MAP2: variants seen among roughly 807,000 people sequenced by gnomAD.
MAP2 encodes the protein microtubule associated protein 2, also known as microtubule-associated protein 2.
A neutral mutation model predicts 137.6 loss-of-function variants in MAP2; 14 were observed. The observed-to-expected ratio is 0.10, with a 90% CI of 0.07 to 0.16. The LOEUF is 0.16. MAP2 is among the 10% of genes least tolerant of loss of function. The probability of loss-of-function intolerance (pLI) is 1.00; values close to 1 mark genes in which losing one functional copy is unlikely to be tolerated. For missense variants in MAP2, 2,088 were observed against 2,191.5 expected (o/e 0.95, Z 0.94); for synonymous variants, 786 against 782.3 (o/e 1.00, Z -0.08).
chr2:209,638,515 G>T (rs985023883), intron 4 of MAP2, among the ~76,000 whole-genome samples: 3 of 152,098 alleles, frequency 2.0e-5, no homozygotes, highest in Non-Finnish European at 4.4e-5. Flanking sequence ...TGCTTTATAT[G>T]ACTCATACGT....
At chr2:209,724,904 C>A (rs59335890) in intron 13 of MAP2, among the ~76,000 whole-genome samples, 2,565 of 152,306 alleles carry the variant, frequency 0.017, 81 homozygotes, top group African/African-American at 0.059. Context: ...CTGGACAAAA[C>A]ACCTAAGTGG....
intron 2 of MAP2, among the ~76,000 whole-genome samples, chr2:209,519,228 G>A (rs1210104194): frequency 1.3e-5 from 2 of 152,020 alleles, no homozygotes; most frequent in Admixed American, 1.3e-4. Context: ...TTTCTATATT[G>A]CCAAGTAGAT....
chr2:209,713,814 A>G (rs928534000), intron 13 of MAP2, among the ~76,000 whole-genome samples: 5 of 152,194 alleles, frequency 3.3e-5, no homozygotes, highest in Admixed American at 6.5e-5. Context: ...TAAAATAGTT[A>G]CTTGGATTTA....
At chr2:209,597,806 A>T in intron 3 of MAP2, among the ~76,000 whole-genome samples, 1 of 148,554 alleles carries the variant, frequency 6.7e-6, no homozygotes, top group African/African-American at 2.5e-5. Context: ...CCCCACTCCC[A>T]CCCTCCTCCC....
intron 5 of MAP2, among the ~76,000 whole-genome samples, chr2:209,673,768 G>A (rs1460564043): frequency 6.6e-6 from 1 of 151,780 alleles, no homozygotes; most frequent in Non-Finnish European, 1.5e-5. Context: ...AGTCCTGGTT[G>A]TTATAACTTT....
At chr2:209,568,638 A>G (rs1294327275) in intron 2 of MAP2, among the ~76,000 whole-genome samples, 1 of 151,934 alleles carries the variant, frequency 6.6e-6, no homozygotes, top group African/African-American at 2.4e-5. Flanking sequence ...AGTAGTTTTC[A>G]AAAACAAATC....
intron 1 of MAP2, among the ~76,000 whole-genome samples, chr2:209,487,306 G>A (rs1173305876): frequency 6.6e-6 from 1 of 152,164 alleles, no homozygotes; most frequent in Non-Finnish European, 1.5e-5. Flanking sequence ...AAAGCTTTCA[G>A]GAAATTAGAG....
At chr2:209,491,977 G>A (rs1217338605) in intron 1 of MAP2, among the ~76,000 whole-genome samples, 1 of 152,120 alleles carries the variant, frequency 6.6e-6, no homozygotes, top group Non-Finnish European at 1.5e-5. Context: ...ACAAAACCTG[G>A]CAGAGACACA....
chr2:209,700,594 A>G (rs2061506473), intron 11 of MAP2, among the ~76,000 whole-genome samples: 1 of 152,172 alleles, frequency 6.6e-6, no homozygotes, highest in African/African-American at 2.4e-5. Context: ...AAAGCAGCAC[A>G]ATGATATGGC....
At chr2:209,489,437 T>G (rs906198488) in intron 1 of MAP2, among the ~76,000 whole-genome samples, 5 of 152,084 alleles carry the variant, frequency 3.3e-5, no homozygotes, top group Admixed American at 2.6e-4. Context: ...GGACGGAGAA[T>G]GAGTTTGATG....
At chr2:209,462,554 AAAAG>A (rs1182150161) in intron 1 of MAP2, among the ~76,000 whole-genome samples, 1 of 152,196 alleles carries the variant, frequency 6.6e-6, no homozygotes, top group Non-Finnish European at 1.5e-5. Context: ...CCAAGAGACA[AAAAG>A]AAAGTCAGTC....
At chr2:209,680,968 CAA>C (rs1374227837) in intron 7 of MAP2, 141 bp downstream of exon 7, 9 of 520,112 alleles carry the variant, frequency 1.7e-5, no homozygotes, top group Non-Finnish European at 3.0e-5. Flanking sequence ...GAAGAAGAAA[CAA>C]AGACTTTAAA....
intron 1 of MAP2, among the ~76,000 whole-genome samples, chr2:209,455,521 T>C (rs568494907): frequency 6.6e-6 from 1 of 152,316 alleles, no homozygotes; most frequent in African/African-American, 2.4e-5. Flanking sequence ...TTATCATCCC[T>C]TGTAATGATC....
At chr2:209,597,263 T>C (rs2081528229) in intron 3 of MAP2, among the ~76,000 whole-genome samples, 2 of 152,230 alleles carry the variant, frequency 1.3e-5, no homozygotes, top group Non-Finnish European at 2.9e-5. Flanking sequence ...CTTAATCATC[T>C]GTTTGACAAT....
rs747954303 is a variant in MAP2, at chr2:209,678,539, C to T, written c.263-33C>T. ...CTCTTTGCTTTCTCAGACTTCTCAT[C>T]GTTATATTTTATTTTGTTACTGTTT... On this transcript the variant is annotated intron_variant, in intron 5 of 15. Coordinates refer to ENST00000682079, the MANE Select transcript of MAP2 (RefSeq NM_001375505.1). The T allele has an allele frequency of 7.1e-6, 8 of 1,119,350 alleles. No individual in the cohort carries two copies. The Admixed American group carries it at 1.4e-4, about 20-fold the overall frequency. 69.3% of individuals were successfully genotyped at this position (1,119,350 alleles called of 1,614,324 possible).
intron 1 of MAP2, among the ~76,000 whole-genome samples, chr2:209,467,369 G>A (rs771394813): frequency 5.3e-5 from 8 of 151,714 alleles, no homozygotes; most frequent in South Asian, 2.1e-4. Context: ...CATTTCTAAC[G>A]TCTACCCAAT....
At chr2:209,599,279 A>C (rs952333861) in intron 3 of MAP2, among the ~76,000 whole-genome samples, 11 of 151,814 alleles carry the variant, frequency 7.2e-5, no homozygotes, top group Admixed American at 7.2e-4. Context: ...TCCTTCGCCC[A>C]CTTTTTGATG....
At chr2:209,507,406 G>A (rs187645264) in intron 1 of MAP2, among the ~76,000 whole-genome samples, 186 bp from the exon 2 acceptor site, 81 of 151,922 alleles carry the variant, frequency 5.3e-4, no homozygotes, top group Non-Finnish European at 9.0e-4. Flanking sequence ...AATGTAGAAC[G>A]TATTTTTAAG....
chr2:209,672,223 A>G (rs988433601), intron 5 of MAP2, among the ~76,000 whole-genome samples: 2 of 151,766 alleles, frequency 1.3e-5, no homozygotes, highest in Admixed American at 1.3e-4. Flanking sequence ...TTTAGTTTAA[A>G]TAATAAGTGG....
Sources: allele counts gnomAD v4.1 joint callset (sites outside exome capture counted in the v4.1 genomes callset), GRCh38; gene constraint gnomAD v4.1.1; transcripts MANE v1.5; gene names NCBI Gene and HGNC (gene_info 2026-07-23, HGNC 2026-07-21).